DNM3: variants seen among roughly 807,000 people sequenced by gnomAD.
DNM3 encodes dynamin-3.
DNM3 carries 47 observed loss-of-function variants against 101.6 expected under a neutral mutation model. The ratio of observed to expected loss-of-function variants is 0.46; its 90% CI spans 0.37 to 0.59. The LOEUF is 0.59. Among genes scored for constraint, DNM3 ranks in the 20% least tolerant of loss-of-function variants. The pLI is 0.00. For missense variants in DNM3, 849 were observed against 1,085.7 expected, an observed-to-expected ratio of 0.78 and a Z score of 3.06; for synonymous variants, 385 against 387.9, an observed-to-expected ratio of 0.99 and a Z score of 0.09.
At chr1:172,147,821 C>T (rs183054490) in intron 14 of DNM3, among the ~76,000 whole-genome samples, 1 of 152,216 alleles carries the variant, frequency 6.6e-6, no homozygotes, top group Admixed American at 6.5e-5. Flanking sequence ...ATTATCCCTT[C>T]CAACTTCTTA....
chr1:172,309,009 TTC>T (rs2064968765), intron 16 of DNM3, 170 bp downstream of exon 16: 1 of 427,106 alleles, frequency 2.3e-6, no homozygotes. Flanking sequence ...ACAATGCTTT[TTC>T]TCTGTTAGAT....
chr1:172,205,662 C>T (rs1572947538), intron 14 of DNM3, among the ~76,000 whole-genome samples: 1 of 152,190 alleles, frequency 6.6e-6, no homozygotes, highest in East Asian at 1.9e-4. Flanking sequence ...GACAGATTCC[C>T]ATATCTGCTT....
chr1:172,235,161 AC>A (rs1319146467), intron 14 of DNM3, among the ~76,000 whole-genome samples: 1 of 151,934 alleles, frequency 6.6e-6, no homozygotes, highest in African/African-American at 2.4e-5. Flanking sequence ...CAAGAAAAAA[AC>A]AACCCCATCA....
chr1:172,000,806 AAGACAGGAATTAT>A (rs1056752110), intron 4 of DNM3, among the ~76,000 whole-genome samples: 1 of 152,068 alleles, frequency 6.6e-6, no homozygotes, highest in African/African-American at 2.4e-5. Context: ...TGAGGAAGTG[AAGACAGGAATTAT>A]AGACAGCTCT....
rs2049989594 is a variant in DNM3, at chr1:172,048,701, A to C, written c.1286A>C (p.Asp429Ala). 6.2e-7 allele frequency: 1 copy of C among 1,613,626 alleles called. No individual in the cohort carries two copies. The highest frequency in any genetic ancestry group is 8.5e-7 in the Non-Finnish European group (1 of 1,179,668). The change falls in exon 10 of 21, where the codon GAT becomes GCT. Residue 429 changes from aspartate to alanine, a missense_variant. Physicochemically the swap from Asp to Ala is moderately radical, Grantham distance 126. Around this residue, in one of 5 missense-constraint regions of DNM3, gnomAD observed 193 missense variants for 238.4 expected, o/e 0.81. Transcript: ENST00000627582. ...KLKGPSLKSV[D>A]LVIQELINTV... ...AAAGGGCCTTCCTTGAAGAGTGTGG[A>C]TCTGGTAATACAAGAATTAATCAAC...
chr1:172,208,845 G>T (rs947844453), intron 14 of DNM3, among the ~76,000 whole-genome samples: 6 of 152,104 alleles, frequency 3.9e-5, no homozygotes, highest in African/African-American at 1.4e-4. Flanking sequence ...TTGCACGTTT[G>T]TGCATGATCA....
chr1:172,411,123 T>G lies in DNM3; in HGVS notation c.*3282T>G, dbSNP rs989926361. ...ATATGTATATGTATGGTTGTAAATA[T>G]CTATGTATACATGTACTTAGTATGT... On this transcript the variant is annotated 3_prime_UTR_variant, in exon 21 of 21. Transcript: ENST00000627582. The G allele has an allele frequency of 1.1e-4, 104 of 984,136 alleles. No homozygotes were observed. The highest frequency in any genetic ancestry group is 1.2e-4 in the Non-Finnish European group (103 of 828,866). 61.0% of individuals were successfully genotyped at this position (984,136 alleles called of 1,614,324 possible).
At chr1:171,914,672 T>A (rs1221708979) in intron 1 of DNM3, among the ~76,000 whole-genome samples, 1 of 152,220 alleles carries the variant, frequency 6.6e-6, no homozygotes, top group Non-Finnish European at 1.5e-5. Context: ...TACTGGTGAG[T>A]TGAGAGTCAT....
At chr1:172,028,939 C>A (rs1482914595) in intron 4 of DNM3, among the ~76,000 whole-genome samples, 1 of 151,900 alleles carries the variant, frequency 6.6e-6, no homozygotes, top group Non-Finnish European at 1.5e-5. Flanking sequence ...CAAAAAAAAG[C>A]CCAGGACCAG....
At chr1:172,222,512 G>A (rs527945808) in intron 14 of DNM3, among the ~76,000 whole-genome samples, 18 of 152,270 alleles carry the variant, frequency 1.2e-4, no homozygotes, top group East Asian at 3.9e-4. Context: ...TGGATTTTCC[G>A]AGGCTGAATA....
chr1:171,906,442 T>C (rs2038843865), intron 1 of DNM3, among the ~76,000 whole-genome samples: 1 of 152,106 alleles, frequency 6.6e-6, no homozygotes, highest in Admixed American at 6.5e-5. Context: ...AAACTTTTTT[T>C]TTTTTGCCCG....
chr1:172,037,879 A>G (rs1380552176), intron 6 of DNM3, among the ~76,000 whole-genome samples: 1 of 152,222 alleles, frequency 6.6e-6, no homozygotes, highest in African/African-American at 2.4e-5. Context: ...GAGCTTCATC[A>G]GTGTGGTAAA....
At chr1:172,346,405 G>A (rs1040492864) in intron 17 of DNM3, among the ~76,000 whole-genome samples, 1 of 152,188 alleles carries the variant, frequency 6.6e-6, no homozygotes, top group Admixed American at 6.5e-5. Context: ...AAATCGTGCT[G>A]GGCCTTGTAT....
intron 13 of DNM3, among the ~76,000 whole-genome samples, chr1:172,126,446 T>G (rs1365916050): frequency 6.6e-6 from 1 of 152,236 alleles, no homozygotes; most frequent in Non-Finnish European, 1.5e-5. Context: ...TGTATGTCCA[T>G]TCTTTGAAAA....
At chr1:172,019,084 C>T (rs1298692069) in intron 4 of DNM3, among the ~76,000 whole-genome samples, 1 of 141,380 alleles carries the variant, frequency 7.1e-6, no homozygotes, top group Non-Finnish European at 1.5e-5. Flanking sequence ...TTCTTCCTTT[C>T]TTCCTTTGTT....
At chr1:172,153,476 A>G (rs2058218885) in intron 14 of DNM3, among the ~76,000 whole-genome samples, 1 of 152,140 alleles carries the variant, frequency 6.6e-6, no homozygotes, top group Non-Finnish European at 1.5e-5. Context: ...TATATGCATC[A>G]ATCACATGAT....
chr1:172,286,079 T>C (rs1011262931), intron 15 of DNM3, among the ~76,000 whole-genome samples: 3 of 150,730 alleles, frequency 2.0e-5, no homozygotes, highest in Non-Finnish European at 4.4e-5. Context: ...TATATATATA[T>C]ATATATACTA....
At chr1:172,280,177 C>T (rs1460451657) in intron 15 of DNM3, among the ~76,000 whole-genome samples, 1 of 152,086 alleles carries the variant, frequency 6.6e-6, no homozygotes, top group Non-Finnish European at 1.5e-5. Flanking sequence ...AGTCATGCCC[C>T]ACCCCCTCAG....
chr1:172,109,667 A>T (rs1402743206), intron 13 of DNM3, among the ~76,000 whole-genome samples: 1 of 152,226 alleles, frequency 6.6e-6, no homozygotes, highest in Non-Finnish European at 1.5e-5. Context: ...AGTTTACGGG[A>T]TTAACAAAAT....
Sources: allele counts gnomAD v4.1 joint callset (sites outside exome capture counted in the v4.1 genomes callset), GRCh38; gene constraint gnomAD v4.1.1; regional missense constraint gnomAD v4.1.1; transcripts MANE v1.5; gene names NCBI Gene and HGNC (gene_info 2026-07-23, HGNC 2026-07-21).